Variants in FYB1 observed in about 807,000 individuals in gnomAD.
FYB1 encodes FYN binding protein 1, also known as FYN-binding protein 1.
FYB1 carries 41 observed loss-of-function variants against 94.1 expected under a neutral mutation model. The ratio of observed to expected loss-of-function variants is 0.44; its 90% confidence interval spans 0.34 to 0.57. FYB1 has a LOEUF of 0.57. Among genes scored for constraint, FYB1 ranks in the 20% least tolerant of loss-of-function variants. FYB1 has a pLI of 0.02. For missense variants in FYB1, 1,050 were observed against 976.8 expected (o/e 1.07, Z -1.00); for synonymous variants, 367 against 353.2 (o/e 1.04, Z -0.44).
intron 1 of FYB1, among the ~76,000 whole-genome samples, chr5:39,212,303 G>A (rs907411378): frequency 6.6e-6 from 1 of 151,654 alleles, no homozygotes. Flanking sequence ...GCAAGACCTT[G>A]TCTCAAAAAA....
intron 2 of FYB1, among the ~76,000 whole-genome samples, chr5:39,163,604 GA>G (rs1744461428): frequency 6.6e-6 from 1 of 152,160 alleles, no homozygotes; most frequent in Non-Finnish European, 1.5e-5. Flanking sequence ...ATGTAATCAT[GA>G]AAGGTAAATT....
chr5:39,120,396 C>T (rs182703556), intron 14 of FYB1, among the ~76,000 whole-genome samples: 2 of 152,162 alleles, frequency 1.3e-5, no homozygotes, highest in South Asian at 4.1e-4. Flanking sequence ...TTTGTAGATA[C>T]CAATTATCCT....
chr5:39,148,533 G>A (rs180983192), intron 3 of FYB1, among the ~76,000 whole-genome samples: 253 of 150,920 alleles, frequency 1.7e-3, no homozygotes, highest in Middle Eastern at 6.8e-3. Flanking sequence ...TTTAACCCAC[G>A]AGGAATTTGA....
At chr5:39,177,059 T>C (rs1745800324) in intron 2 of FYB1, among the ~76,000 whole-genome samples, 1 of 152,228 alleles carries the variant, frequency 6.6e-6, no homozygotes, top group Admixed American at 6.5e-5. Flanking sequence ...ATGTAGACTA[T>C]CTCAGGAACT....
chr5:39,107,606 G>T, intron 18 of FYB1, 141 bp from the exon 19 acceptor site: 1 of 455,046 alleles, frequency 2.2e-6, no homozygotes, highest in Non-Finnish European at 3.9e-6. Flanking sequence ...TAAAAAATGA[G>T]TTAAATGGAA....
upstream of FYB1, among the ~76,000 whole-genome samples, chr5:39,222,883 C>A (rs960287974): frequency 6.6e-6 from 1 of 151,892 alleles, no homozygotes; most frequent in Non-Finnish European, 1.5e-5. Context: ...TTTGATTCTC[C>A]CCTTGTCACT....
At chr5:39,254,163 C>A (rs1411001804) in intron 1 of FYB1, among the ~76,000 whole-genome samples, 1 of 152,138 alleles carries the variant, frequency 6.6e-6, no homozygotes, top group Admixed American at 6.5e-5. Flanking sequence ...CACACACGTG[C>A]ATGTATCTTT....
At chr5:39,231,163 A>AAAAAAAAAAAAC (rs1561294075) in intron 1 of FYB1, among the ~76,000 whole-genome samples, 2 of 118,958 alleles carry the variant, frequency 1.7e-5, no homozygotes, top group South Asian at 2.6e-4. Flanking sequence ...AAAAAAAAAC[A>AAAAAAAAAAAAC]AAAAAAAACA....
intron 1 of FYB1, among the ~76,000 whole-genome samples, chr5:39,225,912 G>A (rs1301860969): frequency 6.6e-6 from 1 of 152,156 alleles, no homozygotes; most frequent in Non-Finnish European, 1.5e-5. Flanking sequence ...GTGTTAACAA[G>A]TTCCTTTGCT....
At chr5:39,205,706 C>T (rs1748782222) in intron 1 of FYB1, among the ~76,000 whole-genome samples, 1 of 152,082 alleles carries the variant, frequency 6.6e-6, no homozygotes, top group Non-Finnish European at 1.5e-5. Flanking sequence ...CAACCCAGAC[C>T]CAGGAAGCAG....
intron 1 of FYB1, among the ~76,000 whole-genome samples, chr5:39,203,938 G>A (rs1748609708): frequency 6.6e-6 from 1 of 152,180 alleles, no homozygotes; most frequent in Non-Finnish European, 1.5e-5. Flanking sequence ...TCAAAAGCAA[G>A]GAGTTTAAAT....
intron 1 of FYB1, among the ~76,000 whole-genome samples, chr5:39,273,321 A>G (rs1355584893): frequency 6.6e-6 from 1 of 152,252 alleles, no homozygotes; most frequent in Non-Finnish European, 1.5e-5. Flanking sequence ...TGCCTTGGAA[A>G]AAAAAAGAAA....
At chr5:39,176,857 G>A (rs1456097084) in intron 2 of FYB1, among the ~76,000 whole-genome samples, 5 of 152,192 alleles carry the variant, frequency 3.3e-5, no homozygotes, top group Admixed American at 3.3e-4. Context: ...AGATGGTGTA[G>A]GCAGCTAAAA....
chr5:39,186,466 C>T (rs908067409), intron 2 of FYB1, among the ~76,000 whole-genome samples: 1 of 151,974 alleles, frequency 6.6e-6, no homozygotes, highest in Non-Finnish European at 1.5e-5. Context: ...GAGAACAGCA[C>T]TCTGAAGTCA....
chr5:39,142,775 C>G (rs1377139551), intron 3 of FYB1, among the ~76,000 whole-genome samples: 1 of 152,170 alleles, frequency 6.6e-6, no homozygotes, highest in Non-Finnish European at 1.5e-5. Flanking sequence ...CACTTCTTCC[C>G]TGAGAGTATT....
chr5:39,181,729 A>G (rs1320030353), intron 2 of FYB1, among the ~76,000 whole-genome samples: 4 of 152,132 alleles, frequency 2.6e-5, no homozygotes, highest in Non-Finnish European at 5.9e-5. Flanking sequence ...CATCCTTGAC[A>G]CCTACTCATT....
chr5:39,130,467 T>C, intron 10 of FYB1, 123 bp downstream of exon 10: 1 of 758,730 alleles, frequency 1.3e-6, no homozygotes, highest in Non-Finnish European at 2.2e-6. Context: ...ATGGATAGCC[T>C]AAATACGCTG....
intron 3 of FYB1, 126 bp downstream of exon 3, chr5:39,153,322 C>T (rs1325074771): frequency 4.2e-6 from 5 of 1,183,450 alleles, no homozygotes; most frequent in Non-Finnish European, 6.2e-6. Flanking sequence ...AGCTCTTCTC[C>T]CTGCCAGCTG....
At chr5:39,163,611 A>G (rs1744461893) in intron 2 of FYB1, among the ~76,000 whole-genome samples, 1 of 152,220 alleles carries the variant, frequency 6.6e-6, no homozygotes, top group African/African-American at 2.4e-5. Flanking sequence ...CATGAAAGGT[A>G]AATTGTTTTT....
Sources: gnomAD v4.1 joint callset for allele counts (sites outside exome capture counted in the v4.1 genomes callset) on GRCh38, gnomAD v4.1.1 for gene constraint, MANE v1.5 for transcripts, NCBI Gene and HGNC (gene_info 2026-07-23, HGNC 2026-07-21) for gene names.